The following NTM variants were observed in gnomAD, a reference collection of about 807,000 sequenced individuals.
The protein encoded by NTM is neurotrimin.
NTM carries 13 observed loss-of-function variants against 42.1 expected under a neutral mutation model. That is an observed-to-expected ratio of 0.31 (90% CI 0.20 to 0.49). The LOEUF is 0.49. NTM is among the 20% of genes least tolerant of loss of function. The pLI is 0.99. For missense variants in NTM, 373 were observed against 452.8 expected (o/e 0.82, Z 1.60); for synonymous variants, 187 against 179.2 (o/e 1.04, Z -0.35).
At chr11:131,984,129 C>A (rs1018654874) in intron 2 of NTM, among the ~76,000 whole-genome samples, 1 of 152,226 alleles carries the variant, frequency 6.6e-6, no homozygotes, top group Non-Finnish European at 1.5e-5. Context: ...TTGTACCCTT[C>A]TTCACATACT....
At chr11:131,451,721 G>C (rs1950504012) in intron 1 of NTM, among the ~76,000 whole-genome samples, 1 of 152,168 alleles carries the variant, frequency 6.6e-6, no homozygotes, top group Non-Finnish European at 1.5e-5. Flanking sequence ...TGAGATCTTT[G>C]CTGGAGCCAC....
intron 1 of NTM, among the ~76,000 whole-genome samples, chr11:131,797,134 T>TA (rs1243265085): frequency 6.6e-6 from 1 of 152,232 alleles, no homozygotes; most frequent in Non-Finnish European, 1.5e-5. Context: ...TTTTCCTGAG[T>TA]AATCTTTACA....
chr11:131,715,981 T>A (rs1372245752), intron 1 of NTM, among the ~76,000 whole-genome samples: 2 of 152,228 alleles, frequency 1.3e-5, no homozygotes, highest in African/African-American at 2.4e-5. Context: ...CTTTGCATGG[T>A]GTCTTAGTCC....
chr11:132,254,486 G>T (rs1328211930), intron 4 of NTM, among the ~76,000 whole-genome samples: 1 of 151,840 alleles, frequency 6.6e-6, no homozygotes, highest in Non-Finnish European at 1.5e-5. Context: ...CTCCTCAGCT[G>T]CTCAGTCCTC....
chr11:131,813,624 G>A (rs1396659279), intron 1 of NTM, among the ~76,000 whole-genome samples: 1 of 152,218 alleles, frequency 6.6e-6, no homozygotes, highest in East Asian at 1.9e-4. Flanking sequence ...GAGTTTGGAT[G>A]CAGACAGCTC....
intron 3 of NTM, among the ~76,000 whole-genome samples, chr11:132,153,128 C>T (rs2072356338): frequency 6.6e-6 from 1 of 152,272 alleles, no homozygotes; most frequent in East Asian, 1.9e-4. Context: ...GAGTTCTTAC[C>T]CCTTAGGTGC....
At chr11:131,616,867 A>G (rs927528929) in intron 1 of NTM, among the ~76,000 whole-genome samples, 6 of 151,540 alleles carry the variant, frequency 4.0e-5, no homozygotes, top group Admixed American at 3.3e-4. Context: ...CCCTTCATGC[A>G]GCCCTCCTCC....
intron 1 of NTM, chr11:131,795,448 T>C: frequency 2.0e-6 from 2 of 985,436 alleles, no homozygotes; most frequent in Non-Finnish European, 2.4e-6. Context: ...AGTCAAATGC[T>C]TGATATGCAG....
At chr11:131,605,733 T>C in intron 1 of NTM, 1 of 937,330 alleles carries the variant, frequency 1.1e-6, no homozygotes, top group Non-Finnish European at 1.3e-6. Flanking sequence ...GCTTGTTGAG[T>C]GTTTGTATCA....
intron 2 of NTM, among the ~76,000 whole-genome samples, chr11:132,105,573 A>G (rs2062262028): frequency 6.6e-6 from 1 of 152,122 alleles, no homozygotes; most frequent in Admixed American, 6.5e-5. Context: ...GTGGGAAGAG[A>G]CAAAACCCCA....
chr11:132,196,818 T>G (rs541464295), intron 3 of NTM, among the ~76,000 whole-genome samples: 1 of 152,250 alleles, frequency 6.6e-6, no homozygotes, highest in East Asian at 1.9e-4. Flanking sequence ...AACTACCTAT[T>G]GGTTGCTATG....
At chr11:131,825,938 G>C (rs1381783765) in intron 1 of NTM, among the ~76,000 whole-genome samples, 1 of 152,094 alleles carries the variant, frequency 6.6e-6, no homozygotes, top group Non-Finnish European at 1.5e-5. Flanking sequence ...TTAGAAAAGA[G>C]GTCTGGGCTA....
At chr11:131,861,969 A>G (rs529842438) in intron 1 of NTM, among the ~76,000 whole-genome samples, 28 of 152,100 alleles carry the variant, frequency 1.8e-4, no homozygotes, top group Non-Finnish European at 2.6e-4. Flanking sequence ...GTTAAACCCC[A>G]GGGGAGGCAT....
intron 1 of NTM, among the ~76,000 whole-genome samples, chr11:131,466,218 G>A (rs1951871083): frequency 6.6e-6 from 1 of 152,194 alleles, no homozygotes. Context: ...CAGCAAAGAG[G>A]AGTGGGAAGA....
intron 1 of NTM, among the ~76,000 whole-genome samples, chr11:131,749,909 C>T (rs1184223385): frequency 2.0e-5 from 3 of 152,172 alleles, no homozygotes; most frequent in African/African-American, 7.2e-5. Context: ...GATACCAGGA[C>T]ATTTCCCTGT....
chr11:131,703,691 A>G (rs943987703), intron 1 of NTM, among the ~76,000 whole-genome samples: 1 of 152,338 alleles, frequency 6.6e-6, no homozygotes, highest in Middle Eastern at 3.4e-3. Context: ...AGAAATAAGA[A>G]AAGCTGCATT....
chr11:131,940,408 G>A (rs187535831), intron 2 of NTM, among the ~76,000 whole-genome samples: 144 of 152,330 alleles, frequency 9.5e-4, no homozygotes, highest in Non-Finnish European at 6.9e-4. Flanking sequence ...TACATTGTGA[G>A]ATAAATACAT....
chr11:132,168,176 A>G (rs113840961), intron 3 of NTM, among the ~76,000 whole-genome samples: 4,423 of 152,236 alleles, frequency 0.029, 212 homozygotes, highest in African/African-American at 0.097. Flanking sequence ...AAATATGTCT[A>G]TTGCACTGCA....
intron 1 of NTM, among the ~76,000 whole-genome samples, chr11:131,766,761 C>T (rs2085179668): frequency 1.3e-5 from 2 of 152,164 alleles, no homozygotes; most frequent in African/African-American, 2.4e-5. Context: ...AAGGCGTTCT[C>T]TCTCCTTTCC....
Sources: allele counts gnomAD v4.1 joint callset (sites outside exome capture counted in the v4.1 genomes callset), GRCh38; gene constraint gnomAD v4.1.1; transcripts MANE v1.5; gene names NCBI Gene and HGNC (gene_info 2026-07-23, HGNC 2026-07-21).